The following TOP1MT variants were observed in gnomAD, a reference collection of about 807,000 sequenced individuals.
TOP1MT encodes the protein DNA topoisomerase I, mitochondrial.
In TOP1MT, 80 loss-of-function variants were observed where a neutral mutation model predicts 73.9. That is an observed-to-expected ratio of 1.08 (90% CI 0.90 to 1.30). The LOEUF (loss-of-function observed/expected upper bound fraction) is 1.30, where lower values mean the gene tolerates loss of function less well. Ranked by LOEUF, TOP1MT falls within the 50% of genes most tolerant of loss-of-function variation. The pLI is 0.00. For missense variants in TOP1MT, 815 were observed against 808.0 expected (o/e 1.01, Z -0.10); for synonymous variants, 338 against 326.4 (o/e 1.04, Z -0.38).
Position 143,309,715 on chromosome 8 carries a change from T to G in TOP1MT, c.1704-172A>C, listed in dbSNP as rs1333518005. On this transcript the variant is annotated intron_variant, in intron 13 of 13. Coordinates refer to ENST00000329245, the MANE Select transcript of TOP1MT (RefSeq NM_052963.3). ...CCCCACCCCACGCATGCCGCCACCC[T>G]GGAGCATCAGCGAGGTGTCAAAGAC... 5 of 1,524,276 alleles carry G rather than the reference T, an allele frequency of 3.3e-6. No individual in the cohort carries two copies. In the Admixed American group the frequency reaches 5.9e-5, roughly 18 times the overall value. The allele number at this position is 1,524,276 out of a possible 1,614,324, so 94.4% of individuals were successfully genotyped here. A position where few individuals can be genotyped will look rare whatever the true frequency, so the allele number is the denominator to read the frequency against.
Position 143,324,598 on chromosome 8 carries a change from G to T in TOP1MT, c.703C>A (p.His235Asn). 6.2e-7 allele frequency: 1 copy of T among 1,613,464 alleles called. No homozygotes were observed. The highest frequency in any genetic ancestry group is 8.5e-7 in the Non-Finnish European group (1 of 1,179,936). The change falls in exon 6 of 14, where the codon CAC (histidine) becomes AAC (asparagine). Residue 235 changes from histidine to asparagine, a missense_variant. This residue lies in a region of TOP1MT where 751 missense variants were observed against 725.4 expected (regional missense o/e 1.04). Coordinates refer to ENST00000329245, the MANE Select transcript of TOP1MT (RefSeq NM_052963.3). ...DSKIPEPPAG[H>N]QWKEVRSDNT... is the part of the protein sequence containing the mutation. ...TCGGAGCGCACCTCCTTCCACTGGTGCCCCGCCGGCGGCTCGGGGATCTTC... is the reference window on the plus strand; with the variant it reads ...TCGGAGCGCACCTCCTTCCACTGGTTCCCCGCCGGCGGCTCGGGGATCTTC...
chr8:143,335,024 C>CCA (rs1816959144), upstream of TOP1MT: 5 of 678,840 alleles, frequency 7.4e-6, no homozygotes, highest in East Asian at 2.4e-4. Context: ...GGCAGCAGGA[C>CCA]CACTGACTGT....
At chr8:143,352,484 T>A (rs1419581130) in intron 1 of TOP1MT, among the ~76,000 whole-genome samples, 1 of 152,200 alleles carries the variant, frequency 6.6e-6, no homozygotes, top group Non-Finnish European at 1.5e-5. Flanking sequence ...ATGCATAGAA[T>A]GAAGTTAGGC....
chr8:143,318,177 G>A (rs1384397634), intron 8 of TOP1MT, 91 bp from the exon 9 acceptor site: 39 of 1,218,592 alleles, frequency 3.2e-5, no homozygotes, highest in Middle Eastern at 4.3e-4. Flanking sequence ...GGGAGCCCAC[G>A]GGAGGCTTCC....
intron 7 of TOP1MT, among the ~76,000 whole-genome samples, chr8:143,322,366 AC>A (rs1816462414): frequency 1.1e-5 from 1 of 94,150 alleles, no homozygotes. Context: ...CACGCCACAC[AC>A]ACAGGCACGC....
At chr8:143,333,028 G>A (rs538150231) in intron 1 of TOP1MT, among the ~76,000 whole-genome samples, 6 of 152,344 alleles carry the variant, frequency 3.9e-5, no homozygotes, top group Admixed American at 3.9e-4. Context: ...CTAGGGTGGG[G>A]CTGGTAGGAG....
chr8:143,319,150 T>A (rs544895554), intron 8 of TOP1MT, among the ~76,000 whole-genome samples: 4 of 152,298 alleles, frequency 2.6e-5, no homozygotes, highest in African/African-American at 9.6e-5. Context: ...TCCTTAGGAA[T>A]GACTTCCCGA....
At chr8:143,321,057 G>T in intron 8 of TOP1MT, 144 bp downstream of exon 8, 3 of 819,168 alleles carry the variant, frequency 3.7e-6, no homozygotes, top group Non-Finnish European at 5.6e-6. Flanking sequence ...CCTTTACCCC[G>T]ATCAGCCCCG....
At chr8:143,310,006 T>C in intron 13 of TOP1MT, 62 bp downstream of exon 13, 1 of 1,598,702 alleles carries the variant, frequency 6.3e-7, no homozygotes, top group Non-Finnish European at 8.5e-7. Context: ...AACAGAGGCC[T>C]CCTGGAAAAC....
intron 1 of TOP1MT, among the ~76,000 whole-genome samples, chr8:143,352,494 C>A (rs563237519): frequency 2.6e-5 from 4 of 152,326 alleles, no homozygotes; most frequent in Non-Finnish European, 5.9e-5. Flanking sequence ...TGAAGTTAGG[C>A]CTCTTCCTCA....
intron 8 of TOP1MT, among the ~76,000 whole-genome samples, chr8:143,318,620 G>A (rs1181494612): frequency 1.2e-4 from 18 of 152,264 alleles, no homozygotes; most frequent in Non-Finnish European, 2.1e-4. Context: ...TCCTACAAGT[G>A]GCAGGCACCC....
In TOP1MT at chr8:143,324,624, G is replaced by A. The variant is rs1816655686; in HGVS notation, c.677C>T (p.Ser226Leu). ...CCCCGCCGGCGGCTCGGGGATCTTC[G>A]AGTCCCTGCAGCAGAACAACGACCC... ...EDVVINCSRD[S>L]KIPEPPAGHQ... is the part of the protein sequence containing the mutation. The change falls in exon 6 of 14, where the codon TCG becomes TTG. Residue 226 changes from serine to leucine, a missense_variant. By Grantham distance (145) the Ser-to-Leu change is moderately radical (BLOSUM62 -2). Around this residue, in one of 3 missense-constraint regions of TOP1MT, gnomAD observed 751 missense variants for 725.4 expected, o/e 1.04. Transcript: ENST00000329245. The A allele has an allele frequency of 7.4e-6, 12 of 1,612,986 alleles. No homozygotes were observed. The highest frequency in any genetic ancestry group is 4.0e-5 in the African/African-American group (3 of 75,000).
rs540051406 is a variant in TOP1MT at position 143,318,390 on chromosome 8, G to A, written c.1147-304C>T. ...CCCGGCTCCTTCTTCCATCAATGCCGGATTTCCACCAGGTGAGCCCACACC... is the reference window on the plus strand; with the variant it reads ...CCCGGCTCCTTCTTCCATCAATGCCAGATTTCCACCAGGTGAGCCCACACC... On this transcript the variant is annotated intron_variant, in intron 8 of 13. Transcript: ENST00000329245. Among the ~76,000 whole-genome samples, 47 of 152,288 alleles carry A rather than the reference G, an allele frequency of 3.1e-4. 1 individual carries two copies. The South Asian group carries it at 8.1e-3, about 26-fold the overall frequency.
In TOP1MT at chr8:143,328,231, A is replaced by G. The variant is rs367613051; in HGVS notation, c.360+1119T>C. 8 of 456,100 alleles carry G rather than the reference A, an allele frequency of 1.8e-5. 1 individual carries two copies. In the East Asian group the frequency reaches 3.5e-4, roughly 20 times the overall value. 28.3% of individuals were successfully genotyped at this position (456,100 alleles called of 1,614,324 possible). A position where few individuals can be genotyped will look rare whatever the true frequency, so the allele number is the denominator to read the frequency against. On this transcript the variant is annotated intron_variant, in intron 3 of 13. Transcript: ENST00000329245. ...TTGATAAACGGCATAACTAAGTTAC[A>G]GTTTTCTGTTTGGAGACCTCACTGA...
intron 8 of TOP1MT, among the ~76,000 whole-genome samples, chr8:143,318,728 G>A (rs1223812978): frequency 1.3e-5 from 2 of 151,762 alleles, no homozygotes; most frequent in African/African-American, 4.8e-5. Context: ...CACCAGACAC[G>A]GGCAGGAGGC....
rs1418256664 is a variant in TOP1MT at position 143,321,820 on chromosome 8, C to T, written c.961-434G>A. Among the ~76,000 whole-genome samples the T allele has an allele frequency of 9.6e-4, 96 of 99,824 alleles. 5 individuals carry two copies. Among genetic ancestry groups the T allele is most frequent in the African/African-American group, 4.1e-3 (93 of 22,758 alleles). 65.5% of individuals were successfully genotyped at this position (99,824 alleles called of 152,430 possible). A position where few individuals can be genotyped will look rare whatever the true frequency, so the allele number is the denominator to read the frequency against. ...GCCACACACGCACGCTACACACACACGCACGCTACACACACACGCCACACG... is the reference window on the plus strand; with the variant it reads ...GCCACACACGCACGCTACACACACATGCACGCTACACACACACGCCACACG... On this transcript the variant is annotated intron_variant, in intron 7 of 13. Transcript: ENST00000329245.
At chr8:143,347,700 CCA>C (rs1817251139), upstream of TOP1MT, among the ~76,000 whole-genome samples, 1 of 147,624 alleles carries the variant, frequency 6.8e-6, no homozygotes, top group South Asian at 2.1e-4. Flanking sequence ...AGCCAGCCAG[CCA>C]GCCAGCCAGC....
At chr8:143,324,226 C>T in intron 6 of TOP1MT, 84 bp from the exon 7 acceptor site, 1 of 1,558,426 alleles carries the variant, frequency 6.4e-7, no homozygotes, top group Non-Finnish European at 8.8e-7. Flanking sequence ...CTCCCCCAAA[C>T]CTCGTGCTTC....
At chr8:143,321,098 G>A (rs939661466) in intron 8 of TOP1MT, 103 bp downstream of exon 8, 13 of 1,253,626 alleles carry the variant, frequency 1.0e-5, no homozygotes, top group East Asian at 2.6e-5. Flanking sequence ...CAGGCAGGAC[G>A]TGGCAAACGG....
Sources: allele counts gnomAD v4.1 joint callset (sites outside exome capture counted in the v4.1 genomes callset), GRCh38; gene constraint gnomAD v4.1.1; regional missense constraint gnomAD v4.1.1; transcripts MANE v1.5; gene names NCBI Gene and HGNC (gene_info 2026-07-23, HGNC 2026-07-21).